Variants in RYR2 observed in about 807,000 individuals in gnomAD.
The protein encoded by RYR2 is ryanodine receptor 2, also known as cardiac muscle ryanodine receptor-calcium release channel.
RYR2 carries 227 observed loss-of-function variants against 601.1 expected under a neutral mutation model. The ratio of observed to expected loss-of-function variants is 0.38; its 90% CI spans 0.34 to 0.42. The LOEUF (loss-of-function observed/expected upper bound fraction) is 0.42. Ranked by LOEUF, RYR2 falls within the 10% of genes least tolerant of loss-of-function variation. The probability of loss-of-function intolerance (pLI) is 1.00; values close to 1 mark genes in which losing one functional copy is unlikely to be tolerated. For missense variants in RYR2, 4,646 were observed against 6,156.5 expected, an observed-to-expected ratio of 0.75 and a Z score of 8.21; for synonymous variants, 2,223 against 2,175.1, an observed-to-expected ratio of 1.02 and a Z score of -0.61.
rs1417247138 is a variant in RYR2, at chr1:237,441,419, G to A, written c.1106G>A (p.Gly369Asp). ...SVCYIQHVDT[G>D]LWLTYQSVDV... ...TGCTATATACAACATGTAGACACAGGCCTATGGCTTACTTACCAGTCTGTG... is the reference window on the plus strand; with the variant it reads ...TGCTATATACAACATGTAGACACAGACCTATGGCTTACTTACCAGTCTGTG... Residue 369 changes from glycine to aspartate, a missense_variant, in exon 13 of 105, where the codon GGC becomes GAC. By Grantham distance (94) the Gly-to-Asp change is moderately conservative (BLOSUM62 -1). Coordinates refer to ENST00000366574, the MANE Select transcript of RYR2 (RefSeq NM_001035.3). The A allele has an allele frequency of 2.5e-6, 4 of 1,611,400 alleles. No homozygotes were observed. The highest frequency in any genetic ancestry group is 1.1e-5 in the South Asian group (1 of 90,582).
intron 1 of RYR2, among the ~76,000 whole-genome samples, chr1:237,110,364 ATTAACTCGTCAT>A (rs1669324465): frequency 6.6e-6 from 1 of 151,410 alleles, no homozygotes; most frequent in African/African-American, 2.4e-5. Context: ...TGCTGCACCC[ATTAACTCGTCAT>A]TTAGCATTAG....
At chr1:237,091,347 C>T (rs1220430278) in intron 1 of RYR2, among the ~76,000 whole-genome samples, 1 of 145,932 alleles carries the variant, frequency 6.9e-6, no homozygotes, top group Non-Finnish European at 1.5e-5. Context: ...ATGACTTACC[C>T]TAAGGAGGGT....
chr1:237,050,463 T>G (rs1464635225), intron 1 of RYR2, among the ~76,000 whole-genome samples: 1 of 152,208 alleles, frequency 6.6e-6, no homozygotes, highest in African/African-American at 2.4e-5. Flanking sequence ...CCCACACATC[T>G]CATCACCATG....
chr1:237,793,834 A>G (rs772553265), intron 94 of RYR2, 33 bp from the exon 95 acceptor site: 4 of 1,532,830 alleles, frequency 2.6e-6, no homozygotes, highest in African/African-American at 2.7e-5. Context: ...GTAAATCTAA[A>G]CTAATTTTAA....
chr1:237,503,152 T>C, intron 21 of RYR2, 137 bp from the exon 22 acceptor site: 1 of 696,210 alleles, frequency 1.4e-6, no homozygotes, highest in Non-Finnish European at 2.4e-6. Context: ...GGTGATCACA[T>C]TATGATGGTA....
At chr1:237,438,802 G>A (rs1707638170) in intron 12 of RYR2, among the ~76,000 whole-genome samples, 1 of 152,190 alleles carries the variant, frequency 6.6e-6, no homozygotes, top group African/African-American at 2.4e-5. Context: ...AATCACGCAA[G>A]GTGCTATTTG....
chr1:237,638,266 T>G, intron 44 of RYR2, 91 bp from the exon 45 acceptor site: 1 of 1,548,292 alleles, frequency 6.5e-7, no homozygotes, highest in Non-Finnish European at 8.8e-7. Flanking sequence ...TTTAAAAGCA[T>G]CCTTTAAGGA....
intron 1 of RYR2, chr1:237,120,763 A>G (rs934505445): frequency 1.4e-4 from 21 of 152,196 alleles, no homozygotes; most frequent in African/African-American, 5.1e-4. Flanking sequence ...AGGATATGTA[A>G]TGGTAAAGGA....
intron 63 of RYR2, among the ~76,000 whole-genome samples, chr1:237,692,611 T>C (rs187970347): frequency 5.9e-5 from 9 of 152,314 alleles, no homozygotes; most frequent in Non-Finnish European, 1.2e-4. Flanking sequence ...TCTCTGCCTC[T>C]TGAATGTGTT....
rs141533141 is a variant in RYR2 at position 237,791,378 on chromosome 1, G to T, written c.13477-51G>T. The T allele has an allele frequency of 2.4e-5, 22 of 919,502 alleles. No individual in the cohort carries two copies. The African/African-American group carries it at 2.8e-4, about 12-fold the overall frequency. The allele number at this position is 919,502 out of a possible 1,614,324, so 57.0% of individuals were successfully genotyped here. A position where few individuals can be genotyped will look rare whatever the true frequency, so the allele number is the denominator to read the frequency against. ...AATGCTTTATTTAAATTGACTGCAG[G>T]TTTCAAGCCTGTTGATTCAGTGACC... is the stretch of plus-strand genomic sequence containing the variant. On this transcript the variant is annotated intron_variant, in intron 92 of 104. Coordinates refer to ENST00000366574, the MANE Select transcript of RYR2 (RefSeq NM_001035.3).
At chr1:237,534,749 C>T (rs1264191773) in intron 25 of RYR2, among the ~76,000 whole-genome samples, 2 of 152,010 alleles carry the variant, frequency 1.3e-5, no homozygotes, top group East Asian at 1.9e-4. Flanking sequence ...TGAACCTATC[C>T]TTTTTTCATG....
At chr1:237,304,479 G>A (rs139604363) in intron 2 of RYR2, among the ~76,000 whole-genome samples, 16 of 152,258 alleles carry the variant, frequency 1.1e-4, no homozygotes, top group Admixed American at 3.3e-4. Context: ...ATCTCTGTAC[G>A]TAAACTCAGT....
Position 237,595,758 on chromosome 1 carries a change from T to A in RYR2, c.4596+101T>A, listed in dbSNP as rs527326345. On this transcript the variant is annotated intron_variant, in intron 34 of 104. Coordinates refer to ENST00000366574, the MANE Select transcript of RYR2 (RefSeq NM_001035.3). ...AAGATCAAAAAGTAAAATAGACACA[T>A]GTACATGTGCCCCTGGTCTGAAAAT... is the stretch of plus-strand genomic sequence containing the variant. 10 of 1,358,040 alleles carry A rather than the reference T, an allele frequency of 7.4e-6. No homozygotes were observed. In the African/African-American group the frequency reaches 7.4e-5, roughly 10 times the overall value. 84.1% of individuals were successfully genotyped at this position (1,358,040 alleles called of 1,614,324 possible). A position where few individuals can be genotyped will look rare whatever the true frequency, so the allele number is the denominator to read the frequency against.
In RYR2 at chr1:237,530,557, A is replaced by C. The variant is rs1221700478; in HGVS notation, c.2906+47A>C. ...TATTAAATAATCTGTGTAGAGATTT[A>C]GTGCAACCAAATAACTCTTGATGGA... is the stretch of plus-strand genomic sequence containing the variant. On this transcript the variant is annotated intron_variant, in intron 25 of 104. Transcript: ENST00000366574. The C allele has an allele frequency of 1.5e-6, 2 of 1,336,192 alleles. 1 individual carries two copies. The highest frequency in any genetic ancestry group is 3.9e-5 in the Admixed American group (2 of 51,204). The allele number at this position is 1,336,192 out of a possible 1,614,324, so 82.8% of individuals were successfully genotyped here. A position where few individuals can be genotyped will look rare whatever the true frequency, so the allele number is the denominator to read the frequency against.
In RYR2 at chr1:237,164,958, T is replaced by C. The variant is rs1676495579; in HGVS notation, c.49-105539T>C. Among the ~76,000 whole-genome samples the C allele has an allele frequency of 2.5e-5, 3 of 119,906 alleles. No homozygotes were observed. The South Asian group carries it at 9.0e-4, about 36-fold the overall frequency. The allele number at this position is 119,906 out of a possible 152,430, so 78.7% of individuals were successfully genotyped here. A position where few individuals can be genotyped will look rare whatever the true frequency, so the allele number is the denominator to read the frequency against. On this transcript the variant is annotated intron_variant, in intron 1 of 104. Coordinates refer to ENST00000366574, the MANE Select transcript of RYR2 (RefSeq NM_001035.3). The stretch of plus-strand genomic sequence containing the variant: ...TATTTGCTATGTAAATGATTTCAGA[T>C]TTTGTGCTGTTTATTCTTTTTTTTT...
chr1:237,066,872 C>T (rs564060006), intron 1 of RYR2, among the ~76,000 whole-genome samples: 5 of 152,012 alleles, frequency 3.3e-5, no homozygotes, highest in African/African-American at 9.7e-5. Flanking sequence ...CTCCTGACCT[C>T]GCAATCCGCC....
intron 3 of RYR2, among the ~76,000 whole-genome samples, chr1:237,342,554 GA>G (rs1697917341): frequency 6.6e-6 from 1 of 152,038 alleles, no homozygotes; most frequent in Non-Finnish European, 1.5e-5. Flanking sequence ...AGACCAGCAG[GA>G]TCTACATAAC....
At chr1:237,099,022 T>A (rs1330984444) in intron 1 of RYR2, among the ~76,000 whole-genome samples, 1 of 152,096 alleles carries the variant, frequency 6.6e-6, no homozygotes, top group Non-Finnish European at 1.5e-5. Flanking sequence ...GCTTCTCACC[T>A]GCGGGGACAA....
intron 38 of RYR2, 66 bp from the exon 39 acceptor site, chr1:237,623,699 G>A (rs1679343597): frequency 3.8e-6 from 4 of 1,056,132 alleles, no homozygotes; most frequent in Middle Eastern, 2.1e-4. Flanking sequence ...GCCCTGCTGT[G>A]CCATTCTTGA....
Sources: allele counts gnomAD v4.1 joint callset (sites outside exome capture counted in the v4.1 genomes callset), GRCh38; gene constraint gnomAD v4.1.1; transcripts MANE v1.5; gene names NCBI Gene and HGNC (gene_info 2026-07-23, HGNC 2026-07-21).